The following LZTR1 variants were observed in gnomAD, a reference collection of about 807,000 sequenced individuals.
LZTR1 encodes leucine zipper like post translational regulator 1, also known as leucine-zipper-like transcriptional regulator 1.
Under a neutral mutation model 105.7 loss-of-function variants are expected in LZTR1, and 260 were observed. The ratio of observed to expected loss-of-function variants is 2.46; its 90% CI spans 2.22 to 2.72. The LOEUF (loss-of-function observed/expected upper bound fraction) is 2.72, where lower values mean the gene tolerates loss of function less well. Ranked by LOEUF, LZTR1 falls within the 30% of genes most tolerant of loss-of-function variation. The pLI is 0.00. For synonymous variants in LZTR1, 490 were observed against 476.4 expected, an observed-to-expected ratio of 1.03 and a Z score of -0.37; for missense variants, 1,214 against 1,166.9, an observed-to-expected ratio of 1.04 and a Z score of -0.59.
intron 2 of LZTR1, 71 bp from the exon 3 acceptor site, chr22:20,985,770 C>G: frequency 1.4e-6 from 2 of 1,421,764 alleles, no homozygotes; most frequent in Non-Finnish European, 2.0e-6. Flanking sequence ...TGGCTACATG[C>G]AGTGCCCATC....
intron 1 of LZTR1, 57 bp downstream of exon 1, chr22:20,982,628 G>T: frequency 6.4e-7 from 1 of 1,564,316 alleles, no homozygotes; most frequent in South Asian, 1.1e-5. Flanking sequence ...GAGGGTCCCA[G>T]GGCGGGTCCA....
chr22:20,994,260 C>T lies in LZTR1; in HGVS notation c.1606C>T (p.Pro536Ser). The change falls in exon 14 of 21, where the codon CCA (proline) becomes TCA (serine). Residue 536 changes from proline (P) to serine (S), a missense_variant. Transcript: ENST00000646124. ...CCTCTACACCGACAAGATCAAATAC[C>T]CACGGAAAGGTCCGCCTGGGTGGGG... ...QFLYTDKIKY[P>S]RKGHVEDVLL... The T allele has an allele frequency of 1.3e-6, 2 of 1,598,262 alleles. No individual in the cohort carries two copies. The highest frequency in any genetic ancestry group is 8.5e-7 in the Non-Finnish European group (1 of 1,179,350).
intron 2 of LZTR1, 106 bp downstream of exon 2, chr22:20,983,195 G>A: frequency 1.0e-6 from 1 of 976,286 alleles, no homozygotes; most frequent in East Asian, 2.4e-5. Context: ...GCTAGCTGGT[G>A]CCTCTAAGCT....
Position 20,994,203 on chromosome 22 carries a change from G to A in LZTR1, c.1549G>A (p.Glu517Lys), listed in dbSNP as rs748528782. The change falls in exon 14 of 21, where the codon GAG becomes AAG. Residue 517 changes from glutamate (E) to lysine (K), a missense_variant. Transcript: ENST00000646124. Reference protein sequence around the residue: ...PLLHVAIREAEARPFEVLMQF... With the variant: ...PLLHVAIREAKARPFEVLMQF... ...GCTGCACGTGGCCATCCGGGAGGCC[G>A]AGGCCCGGCCCTTCGAGGTGCTCAT... 15 of 1,603,072 alleles carry A rather than the reference G, an allele frequency of 9.4e-6. No homozygotes were observed. The highest frequency in any genetic ancestry group is 4.0e-5 in the African/African-American group (3 of 74,904).
At chr22:20,985,653 A>G (rs868777775) in intron 2 of LZTR1, among the ~76,000 whole-genome samples, 188 bp from the exon 3 acceptor site, 1 of 152,050 alleles carries the variant, frequency 6.6e-6, no homozygotes, top group African/African-American at 2.4e-5. Flanking sequence ...CCTGGTGCCC[A>G]TATCAGTTGG....
Position 20,990,457 on chromosome 22 carries a change from T to C in LZTR1, c.723T>C (p.Phe241=), listed in dbSNP as rs138965288. Residue 241 remains phenylalanine (F), a synonymous_variant, in exon 8 of 21, where the codon TTT becomes TTC. Transcript: ENST00000646124. The part of the protein sequence containing the change: ...FPVAVCRDKM[F]VFSGQSGAKI... ...TGGCTGTGTGCCGGGACAAGATGTTTGTATTCTCTGGGCAAAGCGGAGCCA... is the reference window on the plus strand; with the variant it reads ...TGGCTGTGTGCCGGGACAAGATGTTCGTATTCTCTGGGCAAAGCGGAGCCA... The C allele has an allele frequency of 1.2e-5, 19 of 1,614,078 alleles. No individual in the cohort carries two copies. The Admixed American group carries it at 1.3e-4, about 11-fold the overall frequency.
rs1924958365 is a variant in LZTR1 at position 20,998,374 on chromosome 22, T to C, written c.*1026T>C. ...GCCCTGCCTTGCCCCTGCACTATGC[T>C]CTTGGCTCCTGTGGAAGGAGGGCTG... On this transcript the variant is annotated 3_prime_UTR_variant, in exon 21 of 21. Transcript: ENST00000646124. 2.6e-5 allele frequency: 4 copies of C among 152,370 alleles called. No individual in the cohort carries two copies. The highest frequency in any genetic ancestry group is 6.5e-5 in the Admixed American group (1 of 15,286). 9.4% of individuals were successfully genotyped at this position (152,370 alleles called of 1,614,324 possible).
intron 16 of LZTR1, chr22:20,995,306 G>C (rs141343103): frequency 1.5e-6 from 1 of 660,316 alleles, no homozygotes; most frequent in East Asian, 3.1e-5. Context: ...AGGATGTCAG[G>C]TCTGATGGCC....
intron 2 of LZTR1, among the ~76,000 whole-genome samples, chr22:20,984,770 CA>C: frequency 6.6e-6 from 1 of 152,236 alleles, no homozygotes; most frequent in South Asian, 2.1e-4. Flanking sequence ...TGAGACCGTT[CA>C]GGGGGCACCC....
At chr22:20,991,956 G>A in intron 9 of LZTR1, 127 bp downstream of exon 9, 2 of 937,698 alleles carry the variant, frequency 2.1e-6, no homozygotes, top group Middle Eastern at 3.1e-4. Context: ...GCAAGGCCAG[G>A]ACACCTGGGC....
At chr22:20,993,413 G>C in intron 11 of LZTR1, 1 of 576,596 alleles carries the variant, frequency 1.7e-6, no homozygotes, top group South Asian at 2.1e-5. Context: ...CCAGCCGAAG[G>C]CAAGAGAGGC....
intron 8 of LZTR1, chr22:20,990,890 C>T: frequency 4.8e-6 from 1 of 208,648 alleles, no homozygotes; most frequent in South Asian, 7.5e-5. Context: ...AGGTCTGGCC[C>T]ATGCTGCCCC....
chr22:20,993,980 T>C lies in LZTR1; in HGVS notation c.1410T>C (p.Leu470=). 6.2e-7 allele frequency: 1 copy of C among 1,612,418 alleles called. No homozygotes were observed. Among genetic ancestry groups the C allele is most frequent in the South Asian group, 1.1e-5 (1 of 90,804 alleles). ...TTGTCACAGCGCGGAGCCGCTGGCT[T>C]CGCAGGAAGATCACGCAGGCGCGGG... ...VAIVTARSRW[L]RRKITQARER... is the part of the protein sequence containing the mutation. Residue 470 remains leucine, a synonymous_variant, in exon 13 of 21, where the codon CTT becomes CTC. Transcript: ENST00000646124.
rs753487638 is a variant in LZTR1 at position 20,997,289 on chromosome 22, G to A, written c.2464G>A (p.Asp822Asn). 1.9e-6 allele frequency: 3 copies of A among 1,613,854 alleles called. No individual in the cohort carries two copies. In the East Asian group the frequency reaches 6.7e-5, roughly 36 times the overall value. ...LSQQLLLDII[D>N]SLASHISDKQ... is the part of the protein sequence containing the mutation. ...CCAGCAGCTGCTGCTGGACATCATAGACTCCCTGGCCTCCCACATCTCAGA... is the reference window on the plus strand; with the variant it reads ...CCAGCAGCTGCTGCTGGACATCATAAACTCCCTGGCCTCCCACATCTCAGA... Residue 822 changes from aspartate (D) to asparagine (N), a missense_variant, in exon 21 of 21, where the codon GAC (aspartate) becomes AAC (asparagine). Transcript: ENST00000646124.
In LZTR1 at chr22:20,987,507, C is replaced by CT. The variant is rs1417177018; in HGVS notation, c.327dup (p.Thr110TyrfsTer36). The CT allele has an allele frequency of 6.2e-7, 1 of 1,612,410 alleles. No individual in the cohort carries two copies. The highest frequency in any genetic ancestry group is 8.5e-7 in the Non-Finnish European group (1 of 1,178,480). On this transcript the variant is annotated frameshift_variant, in exon 4 of 21. Transcript: ENST00000646124. LOFTEE classifies it high-confidence loss of function. The stretch of plus-strand genomic sequence containing the variant: ...ACCACCCCTGTGCCCACCCCAGGGC[C>CT]TTTACCACTGGGACCCCACCGGCCC...
At chr22:20,987,435 C>G in intron 3 of LZTR1, 69 bp from the exon 4 acceptor site, 1 of 855,264 alleles carries the variant, frequency 1.2e-6, no homozygotes, top group Non-Finnish European at 2.0e-6. Context: ...GGATGCAGGG[C>G]CACCCTGTGG....
intron 8 of LZTR1, 36 bp from the exon 9 acceptor site, chr22:20,991,592 C>T: frequency 1.3e-6 from 2 of 1,490,526 alleles, no homozygotes; most frequent in Non-Finnish European, 1.8e-6. Flanking sequence ...GCAGGAGCCC[C>T]TGTCCCAGCA....
Position 20,987,471 on chromosome 22 carries a change from C to T in LZTR1, c.321-33C>T, listed in dbSNP as rs767481431. On this transcript the variant is annotated intron_variant, in intron 3 of 20. Coordinates refer to ENST00000646124, the MANE Select transcript of LZTR1 (RefSeq NM_006767.4). The stretch of plus-strand genomic sequence containing the variant: ...GGGTGTGGACCTCATGGGTGACCCC[C>T]GCTGACTCTCACCACCCCTGTGCCC... 2.1e-5 allele frequency: 29 copies of T among 1,361,234 alleles called. No individual in the cohort carries two copies. The Middle Eastern group carries it at 5.3e-4, about 25-fold the overall frequency. The allele number at this position is 1,361,234 out of a possible 1,614,324, so 84.3% of individuals were successfully genotyped here.
intron 9 of LZTR1, 63 bp downstream of exon 9, chr22:20,991,892 C>CACCCAGCTCCT: frequency 7.0e-7 from 1 of 1,436,778 alleles, no homozygotes; most frequent in Non-Finnish European, 9.4e-7. Flanking sequence ...ACCCTGCTCC[C>CACCCAGCTCCT]ACCCAGCTCC....
Sources: allele counts gnomAD v4.1 joint callset (sites outside exome capture counted in the v4.1 genomes callset), GRCh38; gene constraint gnomAD v4.1.1; transcripts MANE v1.5; gene names NCBI Gene and HGNC (gene_info 2026-07-23, HGNC 2026-07-21).